The following EYS variants were observed in gnomAD, a reference collection of about 807,000 sequenced individuals.
EYS encodes EGF-like photoreceptor maintenance factor, also known as protein eyes shut homolog.
EYS carries 250 observed loss-of-function variants against 282.1 expected under a neutral mutation model. The observed-to-expected ratio is 0.89, with a 90% confidence interval of 0.80 to 0.98. The LOEUF (loss-of-function observed/expected upper bound fraction) is 0.98. EYS is among the 50% of genes least tolerant of loss of function. The pLI is 0.00. For missense variants in EYS, 4,016 were observed against 3,709.0 expected (o/e 1.08, Z -2.15); for synonymous variants, 1,355 against 1,282.9 (o/e 1.06, Z -1.20).
intron 13 of EYS, among the ~76,000 whole-genome samples, chr6:65,015,726 A>C (rs1011099077): frequency 4.6e-5 from 7 of 152,074 alleles, no homozygotes; most frequent in Admixed American, 4.6e-4. Flanking sequence ...AAAATAAAAA[A>C]TGCTGAGGTT....
At chr6:63,781,929 T>C (rs1354604590) in intron 39 of EYS, among the ~76,000 whole-genome samples, 1 of 152,224 alleles carries the variant, frequency 6.6e-6, no homozygotes, top group Non-Finnish European at 1.5e-5. Context: ...ATCCCATCAA[T>C]ACCTAGTTTA....
At chr6:65,478,572 T>A (rs1765489826) in intron 5 of EYS, among the ~76,000 whole-genome samples, 1 of 152,190 alleles carries the variant, frequency 6.6e-6, no homozygotes, top group Admixed American at 6.5e-5. Flanking sequence ...CTCCATTTAC[T>A]GGTTTCCTCA....
intron 29 of EYS, among the ~76,000 whole-genome samples, chr6:64,328,553 G>A (rs981546398): frequency 2.0e-5 from 3 of 152,182 alleles, no homozygotes; most frequent in Admixed American, 6.5e-5. Context: ...TTGACCCAGA[G>A]GCTGCGGGTA....
chr6:64,369,614 AG>A (rs1297494112), intron 29 of EYS, among the ~76,000 whole-genome samples: 1 of 152,056 alleles, frequency 6.6e-6, no homozygotes, highest in African/African-American at 2.4e-5. Flanking sequence ...CTCATTTAGA[AG>A]TCTTTCACCT....
chr6:65,024,923 AG>A (rs1362017688), intron 13 of EYS, among the ~76,000 whole-genome samples: 1 of 152,176 alleles, frequency 6.6e-6, no homozygotes, highest in Non-Finnish European at 1.5e-5. Flanking sequence ...ATCCACAACT[AG>A]GGTGATTAAG....
intron 26 of EYS, among the ~76,000 whole-genome samples, chr6:64,453,462 A>T (rs1040821494): frequency 5.3e-5 from 8 of 152,290 alleles, no homozygotes; most frequent in African/African-American, 1.9e-4. Flanking sequence ...TTCCTCAGGG[A>T]TCTAGAACTG....
intron 22 of EYS, among the ~76,000 whole-genome samples, chr6:64,691,350 GAAC>G (rs1770375533): frequency 6.6e-6 from 1 of 152,034 alleles, no homozygotes; most frequent in Non-Finnish European, 1.5e-5. Context: ...TATACACAGA[GAAC>G]AAGATTTACT....
rs1490294332 is a variant in EYS, at chr6:64,502,032, CATAA to C, written c.5645-62684_5645-62681del. On this transcript the variant is annotated intron_variant, in intron 26 of 42. Transcript: ENST00000503581. ...TATAACACCGATCTCATAGGGCTGT[CATAA>C]ATGTCAAATGAGTAAATGCATGCTA... Among the ~76,000 whole-genome samples the C allele has an allele frequency of 4.6e-5, 7 of 152,244 alleles. No homozygotes were observed. In the East Asian group the frequency reaches 1.4e-3, roughly 29 times the overall value.
At chr6:63,955,058 A>G (rs1011814159) in intron 35 of EYS, among the ~76,000 whole-genome samples, 5 of 152,180 alleles carry the variant, frequency 3.3e-5, no homozygotes, top group Non-Finnish European at 5.9e-5. Context: ...CTGAGTCAGA[A>G]AACTAAAATA....
chr6:65,582,933 T>C (rs1046471555), intron 2 of EYS, among the ~76,000 whole-genome samples: 7 of 152,116 alleles, frequency 4.6e-5, no homozygotes, highest in Admixed American at 2.0e-4. Flanking sequence ...AGGAATGACT[T>C]TATAACAATA....
At chr6:65,249,439 G>C (rs1227335799) in intron 12 of EYS, among the ~76,000 whole-genome samples, 1 of 151,864 alleles carries the variant, frequency 6.6e-6, no homozygotes, top group African/African-American at 2.4e-5. Context: ...TCCCAGTCCA[G>C]TATTTCATGC....
intron 36 of EYS, among the ~76,000 whole-genome samples, chr6:63,830,931 G>A (rs1381710350): frequency 6.6e-6 from 1 of 152,096 alleles, no homozygotes; most frequent in African/African-American, 2.4e-5. Flanking sequence ...TAAAGAAAAG[G>A]ATTTTCAACC....
intron 13 of EYS, among the ~76,000 whole-genome samples, chr6:65,015,058 C>G (rs1345241303): frequency 6.6e-6 from 1 of 152,034 alleles, no homozygotes; most frequent in African/African-American, 2.4e-5. Flanking sequence ...CCTCTAGAAT[C>G]TAGTAAAGGC....
At chr6:64,079,544 A>G (rs1398958094) in intron 32 of EYS, among the ~76,000 whole-genome samples, 1 of 151,970 alleles carries the variant, frequency 6.6e-6, no homozygotes, top group Non-Finnish European at 1.5e-5. Context: ...AGTTGCCCCA[A>G]AGGGGATAAT....
chr6:65,218,471 C>CAAAACA (rs1766374247), intron 12 of EYS, among the ~76,000 whole-genome samples: 1 of 151,918 alleles, frequency 6.6e-6, no homozygotes, highest in African/African-American at 2.4e-5. Flanking sequence ...GTTTCTTCAG[C>CAAAACA]AAAACAAAAA....
At chr6:65,627,327 G>A (rs1766739412) in intron 2 of EYS, among the ~76,000 whole-genome samples, 1 of 152,030 alleles carries the variant, frequency 6.6e-6, no homozygotes, top group Admixed American at 6.6e-5. Flanking sequence ...ATTTGTGATG[G>A]TTGCATTTGT....
In EYS at chr6:64,388,819, G is replaced by A. The variant is rs541973291; in HGVS notation, c.5949C>T (p.Asn1983=). 6.5e-5 allele frequency: 99 copies of A among 1,524,018 alleles called. No homozygotes were observed. The highest frequency in any genetic ancestry group is 2.5e-4 in the Admixed American group (12 of 47,446). The allele number at this position is 1,524,018 out of a possible 1,614,324, so 94.4% of individuals were successfully genotyped here. A position where few individuals can be genotyped will look rare whatever the true frequency, so the allele number is the denominator to read the frequency against. ...TCCTCCCTAAAATAGTCAGCTCAGCGTTACATGGATCCAATTCTTGCCTGT... is the reference window on the plus strand; with the variant it reads ...TCCTCCCTAAAATAGTCAGCTCAGCATTACATGGATCCAATTCTTGCCTGT... The part of the protein sequence containing the change: ...LLIRQELDPC[N]AELTILGRNT... Residue 1983 remains asparagine (N), a synonymous_variant, in exon 29 of 43, where the codon AAC becomes AAT. Transcript: ENST00000503581.
At position 64,642,959 on chromosome 6, in the gene EYS, T is replaced by A. The variant is rs140993852; in HGVS notation, c.3444-16714A>T. On this transcript the variant is annotated intron_variant, in intron 22 of 42. Coordinates refer to ENST00000503581, the MANE Select transcript of EYS (RefSeq NM_001142800.2). ...GGAGAAACCCCGTCTCTACTAGAAG[T>A]ACAAAATTAGCTGGGCGTGGTGGCA... 4.6e-5 allele frequency among the ~76,000 whole-genome samples: 7 copies of A among 152,190 alleles called. No individual in the cohort carries two copies. In the East Asian group the frequency reaches 9.7e-4, roughly 21 times the overall value.
intron 1 of EYS, among the ~76,000 whole-genome samples, chr6:65,672,620 CA>C (rs1768428437): frequency 1.3e-5 from 2 of 151,960 alleles, no homozygotes; most frequent in African/African-American, 4.8e-5. Context: ...AGCAAAGTAT[CA>C]AAAAACTATC....
Sources: gnomAD v4.1 joint callset for allele counts (sites outside exome capture counted in the v4.1 genomes callset) on GRCh38, gnomAD v4.1.1 for gene constraint, MANE v1.5 for transcripts, NCBI Gene and HGNC (gene_info 2026-07-23, HGNC 2026-07-21) for gene names.